The following FHIT variants were observed in gnomAD, a reference collection of about 807,000 sequenced individuals.
FHIT encodes the protein fragile histidine triad diadenosine triphosphatase.
In FHIT, 19 loss-of-function variants were observed where a neutral mutation model predicts 17.9. The observed-to-expected ratio is 1.06, with a 90% CI of 0.74 to 1.56. The LOEUF is 1.56. Among genes scored for constraint, FHIT ranks in the 40% most tolerant of loss-of-function variants. The pLI, the probability that FHIT is intolerant of heterozygous loss-of-function variation, is 0.00. For synonymous variants in FHIT, 81 were observed against 69.7 expected (o/e 1.16, Z -0.81); for missense variants, 248 against 189.2 (o/e 1.31, Z -1.82).
chr3:60,402,784 A>C (rs76197777), intron 5 of FHIT, among the ~76,000 whole-genome samples: 2,177 of 152,320 alleles, frequency 0.014, 41 homozygotes, highest in African/African-American at 0.049. Context: ...AGGATTGGGA[A>C]TATCAGTCAC....
At chr3:59,857,704 G>GGTTTTTGTTTT (rs1559668895) in intron 8 of FHIT, among the ~76,000 whole-genome samples, 7 of 65,260 alleles carry the variant, frequency 1.1e-4, no homozygotes, top group African/African-American at 7.4e-4. Flanking sequence ...CAAAGTGCTG[G>GGTTTTTGTTTT]GTTTTTTTTT....
At chr3:60,320,638 G>C (rs1709383610) in intron 5 of FHIT, among the ~76,000 whole-genome samples, 1 of 152,044 alleles carries the variant, frequency 6.6e-6, no homozygotes, top group African/African-American at 2.4e-5. Flanking sequence ...ATCAATGTCA[G>C]ACATTCACAT....
At chr3:60,221,602 C>T (rs540214332) in intron 5 of FHIT, among the ~76,000 whole-genome samples, 1 of 152,176 alleles carries the variant, frequency 6.6e-6, no homozygotes, top group Non-Finnish European at 1.5e-5. Flanking sequence ...TGGCTGCCTA[C>T]TTATCTCTGC....
intron 8 of FHIT, among the ~76,000 whole-genome samples, chr3:59,853,163 C>T (rs1702011105): frequency 6.6e-6 from 1 of 152,160 alleles, no homozygotes; most frequent in African/African-American, 2.4e-5. Context: ...GTTCCTGTTG[C>T]TTCACATCCT....
chr3:59,875,321 A>C (rs1367526024), intron 8 of FHIT, among the ~76,000 whole-genome samples: 1 of 152,086 alleles, frequency 6.6e-6, no homozygotes, highest in African/African-American at 2.4e-5. Flanking sequence ...ACTACTACTC[A>C]CTGTTGAATG....
At chr3:61,200,539 T>G (rs772724195) in intron 2 of FHIT, 78 bp downstream of exon 2, 1 of 152,664 alleles carries the variant, frequency 6.6e-6, no homozygotes, top group Non-Finnish European at 1.5e-5. Context: ...TTAGTCCAAG[T>G]GTTTAAATCT....
At chr3:60,526,959 G>A (rs1003356399) in intron 5 of FHIT, among the ~76,000 whole-genome samples, 3 of 152,140 alleles carry the variant, frequency 2.0e-5, no homozygotes, top group African/African-American at 7.2e-5. Flanking sequence ...TTGTCCTCAC[G>A]TATCCTCTCC....
At chr3:60,418,790 A>G (rs1328720877) in intron 5 of FHIT, among the ~76,000 whole-genome samples, 4 of 152,004 alleles carry the variant, frequency 2.6e-5, no homozygotes, top group Non-Finnish European at 5.9e-5. Flanking sequence ...ATGTACTGAT[A>G]TGGAAAGACA....
intron 5 of FHIT, among the ~76,000 whole-genome samples, chr3:60,146,815 T>C (rs536695923): frequency 3.3e-5 from 5 of 152,150 alleles, no homozygotes; most frequent in African/African-American, 1.2e-4. Context: ...CTTCCTACCA[T>C]GCGTCCGCTA....
intron 5 of FHIT, among the ~76,000 whole-genome samples, chr3:60,470,033 T>TCTCTCCC (rs140823909): frequency 0.37 from 52,994 of 144,108 alleles, 10,310 homozygotes; most frequent in East Asian, 0.55. Flanking sequence ...TCTCTCTGTC[T>TCTCTCCC]CTCTCCCCTC....
intron 5 of FHIT, among the ~76,000 whole-genome samples, chr3:60,281,126 G>T (rs748159296): frequency 1.4e-4 from 9 of 62,304 alleles, no homozygotes; most frequent in Non-Finnish European, 2.8e-4. Context: ...AAAACACATA[G>T]ATGTAAAAAT....
chr3:60,103,484 T>C (rs1230466755), intron 5 of FHIT, among the ~76,000 whole-genome samples: 1 of 152,092 alleles, frequency 6.6e-6, no homozygotes, highest in Non-Finnish European at 1.5e-5. Flanking sequence ...AATGACAGGA[T>C]AAAAAGGGAT....
chr3:60,555,759 A>T (rs760586714), intron 4 of FHIT, among the ~76,000 whole-genome samples: 1 of 152,176 alleles, frequency 6.6e-6, no homozygotes, highest in African/African-American at 2.4e-5. Flanking sequence ...CTGGCTGCCT[A>T]CTGGGGAGCA....
At chr3:60,100,310 G>A (rs1358306885) in intron 5 of FHIT, among the ~76,000 whole-genome samples, 1 of 152,022 alleles carries the variant, frequency 6.6e-6, no homozygotes, top group Non-Finnish European at 1.5e-5. Context: ...CTTGAACCCG[G>A]GAGGTGGAGG....
intron 1 of FHIT, among the ~76,000 whole-genome samples, chr3:61,218,868 GA>G (rs2039757961): frequency 1.3e-5 from 2 of 152,174 alleles, no homozygotes; most frequent in African/African-American, 4.8e-5. Context: ...CTCACACATT[GA>G]AAACCCCAGA....
intron 7 of FHIT, among the ~76,000 whole-genome samples, chr3:59,959,092 G>C (rs767613599): frequency 6.6e-6 from 1 of 152,166 alleles, no homozygotes; most frequent in Non-Finnish European, 1.5e-5. Flanking sequence ...GACAGATGAG[G>C]TACCAGGAGT....
intron 4 of FHIT, among the ~76,000 whole-genome samples, chr3:60,734,700 G>A (rs1440573379): frequency 7.9e-5 from 12 of 151,870 alleles, no homozygotes; most frequent in Non-Finnish European, 1.8e-4. Context: ...AGATAACTTC[G>A]AATGGGAAAA....
intron 2 of FHIT, among the ~76,000 whole-genome samples, chr3:61,104,196 G>A (rs1207240860): frequency 6.6e-6 from 1 of 152,060 alleles, no homozygotes; most frequent in African/African-American, 2.4e-5. Flanking sequence ...TTTTTGTAGT[G>A]GCTGGTAGCC....
intron 3 of FHIT, among the ~76,000 whole-genome samples, chr3:60,883,588 A>T (rs1162970392): frequency 2.6e-5 from 4 of 152,190 alleles, no homozygotes; most frequent in African/African-American, 9.6e-5. Flanking sequence ...GATTTTTGAC[A>T]AAATGCCAAA....
Sources: gnomAD v4.1 joint callset for allele counts (sites outside exome capture counted in the v4.1 genomes callset) on GRCh38, gnomAD v4.1.1 for gene constraint, MANE v1.5 for transcripts, NCBI Gene and HGNC (gene_info 2026-07-23, HGNC 2026-07-21) for gene names.